CMTM7: variants seen among roughly 807,000 people sequenced by gnomAD.
CMTM7 encodes the protein CKLF like MARVEL transmembrane domain containing 7.
A neutral mutation model predicts 19.3 loss-of-function variants in CMTM7; 7 were observed. The observed-to-expected ratio is 0.36, with a 90% CI of 0.21 to 0.68. The LOEUF (loss-of-function observed/expected upper bound fraction) is 0.68. Among genes scored for constraint, CMTM7 ranks in the 30% least tolerant of loss-of-function variants. The probability of loss-of-function intolerance (pLI) is 0.60; values close to 1 mark genes in which losing one functional copy is unlikely to be tolerated. For synonymous variants in CMTM7, 87 were observed against 99.3 expected (o/e 0.88, Z 0.74); for missense variants, 193 against 232.6 (o/e 0.83, Z 1.11).
intron 4 of CMTM7, among the ~76,000 whole-genome samples, chr3:32,453,584 C>A (rs1304259998): frequency 6.6e-6 from 1 of 152,130 alleles, no homozygotes; most frequent in Non-Finnish European, 1.5e-5. Context: ...CTACACTGAG[C>A]CCATGTAGTG....
In CMTM7 at chr3:32,433,075, G is replaced by A. The variant is rs9868258; in HGVS notation, c.160-8765G>A. Among the ~76,000 whole-genome samples the A allele has an allele frequency of 4.0e-3, 609 of 152,274 alleles. 3 individuals are homozygous for A. The highest frequency in any genetic ancestry group is 0.014 in the African/African-American group (573 of 41,560). ...GCCCCAAAAGAAACCAGGAAATTGC[G>A]TCAGACACTGAAAGAGAAACAAGCT... On this transcript the variant is annotated intron_variant, in intron 1 of 4. Coordinates refer to ENST00000334983, the MANE Select transcript of CMTM7 (RefSeq NM_138410.4).
intron 1 of CMTM7, among the ~76,000 whole-genome samples, chr3:32,415,937 G>A (rs571678648): frequency 7.2e-5 from 11 of 152,268 alleles, no homozygotes; most frequent in Admixed American, 2.6e-4. Context: ...TTTCTCAGAC[G>A]TTTCATTTTG....
intron 1 of CMTM7, among the ~76,000 whole-genome samples, chr3:32,412,736 C>G (rs1192109124): frequency 6.6e-6 from 1 of 152,056 alleles, no homozygotes; most frequent in Non-Finnish European, 1.5e-5. Flanking sequence ...TCCACAGTTT[C>G]TACAATGTTA....
chr3:32,425,955 G>A (rs1047680784), intron 1 of CMTM7, among the ~76,000 whole-genome samples: 1 of 152,136 alleles, frequency 6.6e-6, no homozygotes, highest in African/African-American at 2.4e-5. Context: ...AGACCAGCCT[G>A]ACCAACATGG....
intron 1 of CMTM7, among the ~76,000 whole-genome samples, chr3:32,410,546 C>T (rs1212797572): frequency 5.9e-5 from 9 of 152,168 alleles, no homozygotes; most frequent in Non-Finnish European, 1.2e-4. Context: ...GGAAAGAGCC[C>T]TTCTGCCAGG....
At chr3:32,434,525 G>A (rs1215324980) in intron 1 of CMTM7, among the ~76,000 whole-genome samples, 1 of 150,466 alleles carries the variant, frequency 6.6e-6, no homozygotes, top group Non-Finnish European at 1.5e-5. Flanking sequence ...GGCTGGTCTC[G>A]AACCCTTGGC....
At chr3:32,436,013 G>A (rs909916265) in intron 1 of CMTM7, among the ~76,000 whole-genome samples, 1 of 152,168 alleles carries the variant, frequency 6.6e-6, no homozygotes, top group African/African-American at 2.4e-5. Context: ...CATAGAATCT[G>A]GTTTTCGGTA....
intron 1 of CMTM7, among the ~76,000 whole-genome samples, chr3:32,393,650 GT>G (rs1175110093): frequency 6.6e-6 from 1 of 152,034 alleles, no homozygotes; most frequent in Non-Finnish European, 1.5e-5. Context: ...AAAACCTTGT[GT>G]GGTTGGCATG....
At position 32,405,609 on chromosome 3, in the gene CMTM7, G is replaced by T. The variant is rs528083766; in HGVS notation, c.159+13544G>T. Reference sequence around the variant, plus strand: ...CAGGGAGTTTAAATATCTTGTCTGAGCCAAGTGTGGTGGCTCGCGCCTGTG... The same window carrying T: ...CAGGGAGTTTAAATATCTTGTCTGATCCAAGTGTGGTGGCTCGCGCCTGTG... On this transcript the variant is annotated intron_variant, in intron 1 of 4. Transcript: ENST00000334983. Among the ~76,000 whole-genome samples, 6 of 152,294 alleles carry T rather than the reference G, an allele frequency of 3.9e-5. No individual in the cohort carries two copies. The South Asian group carries it at 1.2e-3, about 32-fold the overall frequency.
At chr3:32,425,673 TCAA>T (rs1481341077) in intron 1 of CMTM7, among the ~76,000 whole-genome samples, 1 of 152,136 alleles carries the variant, frequency 6.6e-6, no homozygotes, top group African/African-American at 2.4e-5. Context: ...CATTCCAGTC[TCAA>T]CAACATTAAA....
chr3:32,421,858 G>T (rs2125630649), intron 1 of CMTM7, among the ~76,000 whole-genome samples: 1 of 152,302 alleles, frequency 6.6e-6, no homozygotes, highest in East Asian at 1.9e-4. Flanking sequence ...GTACCAGGCT[G>T]TTCTAAATAT....
intron 1 of CMTM7, among the ~76,000 whole-genome samples, chr3:32,417,662 C>A (rs925189476): frequency 6.6e-6 from 1 of 152,144 alleles, no homozygotes; most frequent in Non-Finnish European, 1.5e-5. Flanking sequence ...AGTGGCTATA[C>A]CATTTTGCAT....
chr3:32,416,672 G>C (rs1470127782), intron 1 of CMTM7, among the ~76,000 whole-genome samples: 1 of 152,110 alleles, frequency 6.6e-6, no homozygotes, highest in Non-Finnish European at 1.5e-5. Flanking sequence ...TTACAGGCGT[G>C]AGCCACCACG....
At chr3:32,412,092 C>T (rs1055199412) in intron 1 of CMTM7, among the ~76,000 whole-genome samples, 5 of 152,168 alleles carry the variant, frequency 3.3e-5, no homozygotes, top group African/African-American at 1.2e-4. Flanking sequence ...TTAGTGGTTC[C>T]ATTGGGCTTT....
intron 2 of CMTM7, among the ~76,000 whole-genome samples, chr3:32,446,050 C>A (rs1220567758): frequency 6.6e-6 from 1 of 152,102 alleles, no homozygotes; most frequent in African/African-American, 2.4e-5. Context: ...GAAATATTCC[C>A]TCCTTTTTTA....
At chr3:32,401,473 C>T (rs771217341) in intron 1 of CMTM7, among the ~76,000 whole-genome samples, 3 of 152,196 alleles carry the variant, frequency 2.0e-5, no homozygotes, top group Non-Finnish European at 4.4e-5. Flanking sequence ...ACTGCAGGGG[C>T]CCTAGAGACC....
intron 1 of CMTM7, among the ~76,000 whole-genome samples, chr3:32,400,373 T>C (rs958960190): frequency 6.7e-6 from 1 of 149,522 alleles, no homozygotes; most frequent in Non-Finnish European, 1.5e-5. Flanking sequence ...ATTTTGTAAA[T>C]GCTTTTCTTT....
intron 4 of CMTM7, among the ~76,000 whole-genome samples, chr3:32,454,025 G>A (rs190433334): frequency 1.3e-5 from 2 of 152,236 alleles, no homozygotes; most frequent in Non-Finnish European, 2.9e-5. Context: ...GACTGAGGTC[G>A]GGGGAGTGCG....
chr3:32,451,801 C>G (rs1696836772), intron 3 of CMTM7: 1 of 307,268 alleles, frequency 3.3e-6, no homozygotes, highest in Admixed American at 4.7e-5. Context: ...GTCAGCCTTC[C>G]TCACACTTGA....
Sources: gnomAD v4.1 joint callset for allele counts (sites outside exome capture counted in the v4.1 genomes callset) on GRCh38, gnomAD v4.1.1 for gene constraint, MANE v1.5 for transcripts, NCBI Gene and HGNC (gene_info 2026-07-23, HGNC 2026-07-21) for gene names.